ADAMTSL1: variants seen among roughly 807,000 people sequenced by gnomAD.
The protein encoded by ADAMTSL1 is ADAMTS-like protein 1.
A neutral mutation model predicts 201.8 loss-of-function variants in ADAMTSL1; 126 were observed. The observed-to-expected ratio is 0.62, with a 90% confidence interval of 0.54 to 0.72. ADAMTSL1 has a LOEUF of 0.72. Ranked by LOEUF, ADAMTSL1 falls within the 30% of genes least tolerant of loss-of-function variation. The probability of loss-of-function intolerance (pLI) is 0.00; values close to 1 mark genes in which losing one functional copy is unlikely to be tolerated. For synonymous variants in ADAMTSL1, 1,121 were observed against 903.4 expected (o/e 1.24, Z -4.32); for missense variants, 2,679 against 2,277.8 (o/e 1.18, Z -3.59).
intron 1 of ADAMTSL1, among the ~76,000 whole-genome samples, chr9:17,965,666 G>A (rs1180508681): frequency 6.6e-6 from 1 of 152,152 alleles, no homozygotes; most frequent in Non-Finnish European, 1.5e-5. Context: ...CAATTCCTAT[G>A]ACTAAAAGGA....
intron 1 of ADAMTSL1, among the ~76,000 whole-genome samples, chr9:18,504,168 A>G (rs1822998124): frequency 6.6e-6 from 1 of 152,156 alleles, no homozygotes; most frequent in Non-Finnish European, 1.5e-5. Context: ...TATAGCACAC[A>G]TTTTATCTTT....
chr9:18,351,581 A>G (rs1835966668), intron 2 of ADAMTSL1, among the ~76,000 whole-genome samples: 1 of 152,144 alleles, frequency 6.6e-6, no homozygotes, highest in East Asian at 1.9e-4. Context: ...AAAAATATAA[A>G]TACTTAGTAA....
intron 2 of ADAMTSL1, among the ~76,000 whole-genome samples, chr9:18,343,034 G>GTTTT (rs570325309): frequency 6.9e-5 from 10 of 145,618 alleles, no homozygotes; most frequent in African/African-American, 2.5e-4. Context: ...TTTTTGTTTT[G>GTTTT]TTTTTTTTTT....
At chr9:18,433,926 T>C (rs1382524695) in intron 2 of ADAMTSL1, among the ~76,000 whole-genome samples, 1 of 152,240 alleles carries the variant, frequency 6.6e-6, no homozygotes, top group Non-Finnish European at 1.5e-5. Context: ...AGGGGAATGC[T>C]AATTGCAATT....
At chr9:17,980,125 G>A (rs138680716) in intron 1 of ADAMTSL1, among the ~76,000 whole-genome samples, 1 of 152,270 alleles carries the variant, frequency 6.6e-6, no homozygotes, top group Admixed American at 6.5e-5. Context: ...GACATGGGTA[G>A]TGTGAAACTG....
At chr9:18,116,628 T>C (rs968863146) in intron 1 of ADAMTSL1, among the ~76,000 whole-genome samples, 3 of 152,224 alleles carry the variant, frequency 2.0e-5, no homozygotes, top group Non-Finnish European at 2.9e-5. Flanking sequence ...GCATTTTATG[T>C]AGCAGATGTC....
At chr9:17,972,437 G>T (rs1478562983) in intron 1 of ADAMTSL1, among the ~76,000 whole-genome samples, 3 of 151,260 alleles carry the variant, frequency 2.0e-5, no homozygotes, top group South Asian at 2.1e-4. Flanking sequence ...CCTTGCGATA[G>T]TTTGCTGAGA....
chr9:18,385,328 A>G (rs187884100), intron 2 of ADAMTSL1, among the ~76,000 whole-genome samples: 1 of 152,172 alleles, frequency 6.6e-6, no homozygotes, highest in Admixed American at 6.6e-5. Context: ...TAGTGTTGCC[A>G]ATTGCCAGAC....
intron 1 of ADAMTSL1, among the ~76,000 whole-genome samples, chr9:18,058,304 A>G (rs1336395781): frequency 6.6e-6 from 1 of 152,194 alleles, no homozygotes; most frequent in African/African-American, 2.4e-5. Context: ...AGAGAAATCT[A>G]TCTGCTGGGT....
chr9:18,162,646 C>T (rs565917267), intron 1 of ADAMTSL1, among the ~76,000 whole-genome samples: 98 of 151,788 alleles, frequency 6.5e-4, no homozygotes, highest in South Asian at 2.9e-3. Context: ...AAAAGACATA[C>T]GGTTTAAAAT....
chr9:17,978,847 C>T (rs1253959155), intron 1 of ADAMTSL1, among the ~76,000 whole-genome samples: 1 of 152,106 alleles, frequency 6.6e-6, no homozygotes, highest in African/African-American at 2.4e-5. Context: ...TAGCATTTCT[C>T]ATAAGGCAGG....
intron 1 of ADAMTSL1, among the ~76,000 whole-genome samples, chr9:18,163,565 G>C (rs1827497074): frequency 6.6e-6 from 1 of 151,888 alleles, no homozygotes; most frequent in Non-Finnish European, 1.5e-5. Flanking sequence ...ATGAGTCTAG[G>C]AGCCTGACCA....
intron 1 of ADAMTSL1, among the ~76,000 whole-genome samples, chr9:18,101,499 A>C (rs1012249301): frequency 2.0e-5 from 3 of 148,390 alleles, no homozygotes; most frequent in African/African-American, 7.3e-5. Context: ...CTCCGTCTCA[A>C]AAAAAAAAAA....
intron 1 of ADAMTSL1, among the ~76,000 whole-genome samples, chr9:17,944,961 A>G (rs1405059114): frequency 1.0e-4 from 3 of 30,076 alleles, no homozygotes; most frequent in Non-Finnish European, 2.4e-4. Context: ...CAAAATTGAC[A>G]AATGGGATCT....
At chr9:18,573,125 A>G (rs1822448942) in intron 3 of ADAMTSL1, among the ~76,000 whole-genome samples, 1 of 152,174 alleles carries the variant, frequency 6.6e-6, no homozygotes, top group African/African-American at 2.4e-5. Flanking sequence ...CTTATTTTCC[A>G]CTGATCTCTA....
chr9:18,045,685 A>C (rs780221955), intron 1 of ADAMTSL1, among the ~76,000 whole-genome samples: 11 of 151,686 alleles, frequency 7.3e-5, no homozygotes, highest in Non-Finnish European at 1.5e-4. Flanking sequence ...TTACCCTCAC[A>C]TTGTCTAGTC....
At chr9:18,342,688 G>A (rs966957091) in intron 2 of ADAMTSL1, among the ~76,000 whole-genome samples, 4 of 152,110 alleles carry the variant, frequency 2.6e-5, no homozygotes, top group African/African-American at 7.2e-5. Context: ...TCCTCTTCCC[G>A]ATGTGGTTGT....
At chr9:18,875,999 C>A (rs572619728) in intron 23 of ADAMTSL1, among the ~76,000 whole-genome samples, 1 of 152,262 alleles carries the variant, frequency 6.6e-6, no homozygotes, top group South Asian at 2.1e-4. Context: ...ATATGTCTCT[C>A]TTTGTCTTTT....
intron 1 of ADAMTSL1, among the ~76,000 whole-genome samples, chr9:17,944,115 A>G (rs1314570576): frequency 6.6e-6 from 1 of 152,066 alleles, no homozygotes. Context: ...TTAGATGGGA[A>G]CAAATATCCA....
Sources: gnomAD v4.1 joint callset for allele counts (sites outside exome capture counted in the v4.1 genomes callset) on GRCh38, gnomAD v4.1.1 for gene constraint, MANE v1.5 for transcripts, NCBI Gene and HGNC (gene_info 2026-07-23, HGNC 2026-07-21) for gene names.